The following IKZF1 variants were observed in gnomAD, a reference collection of about 807,000 sequenced individuals.
The protein encoded by IKZF1 is IKAROS family zinc finger 1.
Under a neutral mutation model 51.7 loss-of-function variants are expected in IKZF1, and 10 were observed. That is an observed-to-expected ratio of 0.19 (90% confidence interval 0.12 to 0.33). The LOEUF (loss-of-function observed/expected upper bound fraction) is 0.33, where lower values mean the gene tolerates loss of function less well. Ranked by LOEUF, IKZF1 falls within the 10% of genes least tolerant of loss-of-function variation. The pLI is 1.00. For missense variants in IKZF1, 484 were observed against 707.5 expected (o/e 0.68, Z 3.58); for synonymous variants, 280 against 282.3 (o/e 0.99, Z 0.08).
intron 6 of IKZF1, among the ~76,000 whole-genome samples, chr7:50,390,064 A>C (rs994438115): frequency 6.6e-6 from 1 of 152,214 alleles, no homozygotes; most frequent in Non-Finnish European, 1.5e-5. Context: ...GTCTTTATGG[A>C]AAAAATAAGT....
intron 3 of IKZF1, among the ~76,000 whole-genome samples, chr7:50,363,245 G>A (rs1381125847): frequency 6.6e-6 from 1 of 152,162 alleles, no homozygotes; most frequent in Non-Finnish European, 1.5e-5. Flanking sequence ...CCCAGACCAG[G>A]GCCCTGGGCA....
intron 3 of IKZF1, among the ~76,000 whole-genome samples, chr7:50,367,253 A>G (rs1807210996): frequency 1.3e-5 from 2 of 152,232 alleles, no homozygotes; most frequent in Non-Finnish European, 2.9e-5. Flanking sequence ...TTAATTTAAC[A>G]GCTACACTGT....
At chr7:50,317,588 T>G (rs1198784531) in intron 1 of IKZF1, among the ~76,000 whole-genome samples, 2 of 152,150 alleles carry the variant, frequency 1.3e-5, no homozygotes, top group African/African-American at 4.8e-5. Context: ...TTCTGTACAG[T>G]GGCCACTAGC....
intron 7 of IKZF1, among the ~76,000 whole-genome samples, 161 bp downstream of exon 7, chr7:50,392,024 C>G (rs1297916283): frequency 6.6e-6 from 1 of 152,046 alleles, no homozygotes; most frequent in Non-Finnish European, 1.5e-5. Context: ...GAATTTTTTC[C>G]AATAAGTATC....
chr7:50,378,036 C>T (rs562908514), intron 4 of IKZF1, among the ~76,000 whole-genome samples: 25 of 152,076 alleles, frequency 1.6e-4, no homozygotes, highest in African/African-American at 2.4e-4. Flanking sequence ...TCCGTGGGGG[C>T]GAACAAAAAT....
intron 3 of IKZF1, among the ~76,000 whole-genome samples, chr7:50,330,791 A>G (rs1222555061): frequency 3.3e-5 from 5 of 152,216 alleles, no homozygotes; most frequent in African/African-American, 7.2e-5. Flanking sequence ...CATCAGTGCA[A>G]AGGACTGTAA....
At position 50,376,816 on chromosome 7, in the gene IKZF1, C is replaced by T. The variant is rs1423426953; in HGVS notation, c.421+23C>T. On this transcript the variant is annotated intron_variant, in intron 4 of 7. Coordinates refer to ENST00000331340, the MANE Select transcript of IKZF1 (RefSeq NM_006060.6). This position sits in a 1 kb window ranked among gnomAD's most constrained non-coding sequence, Gnocchi z 4.5. ...CTGGTAAGGCCTGGCTCAGTTTTTC[C>T]TTTAGTGGCCTGGAGAAGGTGCATG... The T allele has an allele frequency of 1.2e-6, 2 of 1,610,948 alleles. No individual in the cohort carries two copies. Among genetic ancestry groups the T allele is most frequent in the Non-Finnish European group, 1.7e-6 (2 of 1,177,666 alleles).
At chr7:50,364,570 T>C (rs1806263201) in intron 3 of IKZF1, among the ~76,000 whole-genome samples, 1 of 152,256 alleles carries the variant, frequency 6.6e-6, no homozygotes. Flanking sequence ...CCACAGTGAC[T>C]GCTTCTTATG....
At chr7:50,344,528 A>C (rs1187184628) in intron 3 of IKZF1, among the ~76,000 whole-genome samples, 1 of 152,212 alleles carries the variant, frequency 6.6e-6, no homozygotes, top group African/African-American at 2.4e-5. Flanking sequence ...TATTTGCCTA[A>C]GTTCATCTGA....
At position 50,404,217 on chromosome 7, in the gene IKZF1, A is replaced by C. The variant is rs1393005095; in HGVS notation, c.*3590A>C. 1 of 216,726 alleles carries C rather than the reference A, an allele frequency of 4.6e-6. No homozygotes were observed. The highest frequency in any genetic ancestry group is 9.3e-6 in the Non-Finnish European group (1 of 107,350). 13.4% of individuals were successfully genotyped at this position (216,726 alleles called of 1,614,324 possible). A position where few individuals can be genotyped will look rare whatever the true frequency, so the allele number is the denominator to read the frequency against. On this transcript the variant is annotated 3_prime_UTR_variant, in exon 8 of 8. Coordinates refer to ENST00000331340, the MANE Select transcript of IKZF1 (RefSeq NM_006060.6). Reference sequence around the variant, plus strand: ...TGTTCAGGTCGAATCTGTTGTATCCAGTACAGCTTTAGGTCTTCAGCTGCC... The same window carrying C: ...TGTTCAGGTCGAATCTGTTGTATCCCGTACAGCTTTAGGTCTTCAGCTGCC...
intron 3 of IKZF1, among the ~76,000 whole-genome samples, chr7:50,337,461 G>T (rs1798059021): frequency 1.3e-5 from 2 of 152,098 alleles, no homozygotes; most frequent in Non-Finnish European, 2.9e-5. Context: ...AGGTCTTCCT[G>T]GACACATGCC....
chr7:50,400,045 C>A lies in IKZF1; in HGVS notation c.978C>A (p.Ser326=), dbSNP rs542566683. Residue 326 remains serine (S), a synonymous_variant, in exon 8 of 8, where the codon TCC becomes TCA. Coordinates refer to ENST00000331340, the MANE Select transcript of IKZF1 (RefSeq NM_006060.6). The surrounding 1 kb of genome is among the most constrained non-coding windows in gnomAD (Gnocchi z 5.4). ...NNAINYLGAE[S]LRPLVQTPPG... Reference sequence around the variant, plus strand: ...CCATCAACTACCTGGGGGCCGAGTCCCTGCGCCCGCTGGTGCAGACGCCCC... The same window carrying A: ...CCATCAACTACCTGGGGGCCGAGTCACTGCGCCCGCTGGTGCAGACGCCCC... 6 of 1,609,284 alleles carry A rather than the reference C, an allele frequency of 3.7e-6. No homozygotes were observed. In the South Asian group the frequency reaches 6.7e-5, roughly 18 times the overall value.
At chr7:50,373,486 G>A (rs1809327184) in intron 3 of IKZF1, among the ~76,000 whole-genome samples, 1 of 152,160 alleles carries the variant, frequency 6.6e-6, no homozygotes, top group Non-Finnish European at 1.5e-5. Flanking sequence ...ATGCCAAGAG[G>A]ATTATCCCAA....
chr7:50,356,574 T>G (rs917787570), intron 3 of IKZF1, among the ~76,000 whole-genome samples: 6 of 152,216 alleles, frequency 3.9e-5, no homozygotes, highest in African/African-American at 1.4e-4. Context: ...TCTGTGCGTG[T>G]GCATGGCTTT....
intron 3 of IKZF1, among the ~76,000 whole-genome samples, chr7:50,363,277 G>A (rs1167527209): frequency 6.6e-6 from 1 of 152,104 alleles, no homozygotes; most frequent in African/African-American, 2.4e-5. Flanking sequence ...GCCTTCTTCT[G>A]CAAACTTTTG....
At chr7:50,340,445 G>C (rs1187863728) in intron 3 of IKZF1, among the ~76,000 whole-genome samples, 1 of 152,218 alleles carries the variant, frequency 6.6e-6, no homozygotes, top group South Asian at 2.1e-4. Context: ...GGGTGTGATC[G>C]ATGGAAGGCC....
chr7:50,364,689 T>C (rs1806305145), intron 3 of IKZF1, among the ~76,000 whole-genome samples: 1 of 152,180 alleles, frequency 6.6e-6, no homozygotes, highest in East Asian at 1.9e-4. Context: ...TATGGCTCAT[T>C]TTGCAGCTTG....
intron 3 of IKZF1, among the ~76,000 whole-genome samples, chr7:50,366,153 T>G (rs1806869762): frequency 6.6e-6 from 1 of 151,860 alleles, no homozygotes; most frequent in Non-Finnish European, 1.5e-5. Flanking sequence ...AAATAACAGG[T>G]AGTAGATTTA....
chr7:50,337,190 A>AG (rs1344714516), intron 3 of IKZF1, among the ~76,000 whole-genome samples: 2 of 152,026 alleles, frequency 1.3e-5, no homozygotes, highest in African/African-American at 4.8e-5. Context: ...AAAGAAGACA[A>AG]GGAGCTGGTT....
Sources: allele counts gnomAD v4.1 joint callset (sites outside exome capture counted in the v4.1 genomes callset), GRCh38; gene constraint gnomAD v4.1.1; non-coding constraint Gnocchi (gnomAD v3.1); transcripts MANE v1.5; gene names NCBI Gene and HGNC (gene_info 2026-07-23, HGNC 2026-07-21).